NLGN1: variants seen among roughly 807,000 people sequenced by gnomAD.
NLGN1 encodes neuroligin-1.
Under a neutral mutation model 65.5 loss-of-function variants are expected in NLGN1, and 12 were observed. That is an observed-to-expected ratio of 0.18 (90% CI 0.12 to 0.30). NLGN1 has a LOEUF of 0.30. NLGN1 is among the 10% of genes least tolerant of loss of function. NLGN1 has a pLI of 1.00. For missense variants in NLGN1, 750 were observed against 1,007.1 expected, an observed-to-expected ratio of 0.74 and a Z score of 3.46; for synonymous variants, 350 against 359.5, an observed-to-expected ratio of 0.97 and a Z score of 0.30.
intron 3 of NLGN1, among the ~76,000 whole-genome samples, chr3:173,759,790 C>G (rs982416405): frequency 2.0e-5 from 3 of 151,782 alleles, no homozygotes; most frequent in Non-Finnish European, 4.4e-5. Flanking sequence ...ATTTTTAAAT[C>G]TTTTGTATAT....
intron 2 of NLGN1, among the ~76,000 whole-genome samples, chr3:173,573,243 A>C (rs868812162): frequency 6.6e-6 from 1 of 152,130 alleles, no homozygotes; most frequent in South Asian, 2.1e-4. Context: ...CAGTTTTCTG[A>C]CTTGTAAAAG....
intron 4 of NLGN1, among the ~76,000 whole-genome samples, chr3:174,234,934 A>AT (rs554027229): frequency 7.6e-6 from 1 of 131,064 alleles, no homozygotes; most frequent in African/African-American, 3.0e-5. Context: ...CCTTTGATGC[A>AT]TTTTTTATAT....
chr3:173,452,499 G>T (rs1721780496), intron 2 of NLGN1, among the ~76,000 whole-genome samples: 1 of 152,024 alleles, frequency 6.6e-6, no homozygotes, highest in Non-Finnish European at 1.5e-5. Flanking sequence ...TTTCTTGCCG[G>T]CTTTCACATT....
intron 3 of NLGN1, among the ~76,000 whole-genome samples, chr3:173,801,694 T>C (rs986205698): frequency 1.3e-5 from 2 of 152,066 alleles, no homozygotes; most frequent in Non-Finnish European, 2.9e-5. Flanking sequence ...TTTGATTAAA[T>C]ATTTATTTAC....
chr3:173,443,296 A>G (rs1030880081), intron 2 of NLGN1, among the ~76,000 whole-genome samples: 5 of 110,438 alleles, frequency 4.5e-5, no homozygotes, highest in African/African-American at 9.1e-5. Context: ...TTTTACTTTA[A>G]TAGTATATAT....
At chr3:173,944,291 T>C (rs1276077066) in intron 4 of NLGN1, among the ~76,000 whole-genome samples, 1 of 151,878 alleles carries the variant, frequency 6.6e-6, no homozygotes, top group East Asian at 1.9e-4. Flanking sequence ...TATTTAAGAA[T>C]GAATCACAAA....
chr3:174,191,152 C>T (rs1021787340), intron 4 of NLGN1, among the ~76,000 whole-genome samples: 2 of 152,006 alleles, frequency 1.3e-5, no homozygotes, highest in East Asian at 3.9e-4. Flanking sequence ...TAGGCCCATT[C>T]GAGGATCAAG....
intron 4 of NLGN1, among the ~76,000 whole-genome samples, chr3:174,265,769 A>ATATATATATATG (rs1747997259): frequency 8.5e-6 from 1 of 117,728 alleles, no homozygotes; most frequent in Non-Finnish European, 1.7e-5. Flanking sequence ...AAGGCTATAT[A>ATATATATATATG]TATATATATA....
At chr3:173,564,610 GCTC>G (rs1743327321) in intron 2 of NLGN1, among the ~76,000 whole-genome samples, 1 of 152,176 alleles carries the variant, frequency 6.6e-6, no homozygotes. Flanking sequence ...TCAACTCTGA[GCTC>G]CTGAGGAGAT....
intron 4 of NLGN1, among the ~76,000 whole-genome samples, chr3:174,232,881 T>C (rs1466647442): frequency 6.6e-6 from 1 of 152,188 alleles, no homozygotes; most frequent in African/African-American, 2.4e-5. Context: ...TTAATGGAGA[T>C]TCTCTACAAA....
chr3:173,571,455 A>G (rs955646055), intron 2 of NLGN1, among the ~76,000 whole-genome samples: 13 of 152,208 alleles, frequency 8.5e-5, no homozygotes. Flanking sequence ...GAGGTGTCAC[A>G]CTTTTTATGT....
intron 4 of NLGN1, among the ~76,000 whole-genome samples, chr3:173,999,598 C>T (rs1722902527): frequency 1.3e-5 from 2 of 152,138 alleles, no homozygotes; most frequent in Admixed American, 6.5e-5. Flanking sequence ...TATTCTCCAA[C>T]CACCACTTCA....
At chr3:173,806,778 T>G (rs1310554376) in intron 3 of NLGN1, among the ~76,000 whole-genome samples, 1 of 152,044 alleles carries the variant, frequency 6.6e-6, no homozygotes, top group Non-Finnish European at 1.5e-5. Flanking sequence ...ATTACAGAAT[T>G]CAGGAAAAGT....
chr3:174,076,749 G>C (rs1329321889), intron 4 of NLGN1, among the ~76,000 whole-genome samples: 1 of 151,762 alleles, frequency 6.6e-6, no homozygotes, highest in South Asian at 2.1e-4. Context: ...GTGTGTGTGT[G>C]TGTGTGTGTG....
intron 4 of NLGN1, among the ~76,000 whole-genome samples, chr3:173,810,960 T>C (rs1717793700): frequency 2.0e-5 from 3 of 152,170 alleles, no homozygotes; most frequent in South Asian, 2.1e-4. Context: ...GCCAATAAGA[T>C]TGACAAAGAG....
intron 4 of NLGN1, among the ~76,000 whole-genome samples, chr3:173,864,971 T>G (rs1384394708): frequency 6.6e-6 from 1 of 152,204 alleles, no homozygotes; most frequent in East Asian, 1.9e-4. Context: ...CAATTTCTGC[T>G]GGGAATATAA....
rs553583348 is a variant in NLGN1, at chr3:173,658,670, G to T, written c.493+53579G>T. Among the ~76,000 whole-genome samples the T allele has an allele frequency of 3.9e-5, 6 of 152,016 alleles. No individual in the cohort carries two copies. The East Asian group carries it at 1.2e-3, about 29-fold the overall frequency. Reference sequence around the variant, plus strand: ...CTTTGCTTTGGTTCATTCAAAGCTTGCTGCTTCTAAACTAAGACTTCCTTG... The same window carrying T: ...CTTTGCTTTGGTTCATTCAAAGCTTTCTGCTTCTAAACTAAGACTTCCTTG... On this transcript the variant is annotated intron_variant, in intron 3 of 6. Transcript: ENST00000457714.
intron 2 of NLGN1, among the ~76,000 whole-genome samples, chr3:173,455,025 A>G (rs1722272117): frequency 6.6e-6 from 1 of 152,216 alleles, no homozygotes; most frequent in Non-Finnish European, 1.5e-5. Context: ...TGGTGGAGCA[A>G]TCAGAACATA....
Position 173,848,292 on chromosome 3 carries a change from T to C in NLGN1, c.646+40460T>C, listed in dbSNP as rs373459106. On this transcript the variant is annotated intron_variant, in intron 4 of 6. Coordinates refer to ENST00000457714, the Ensembl canonical transcript of NLGN1. ...AACCCAAATCCTCATTTCACACTTA[T>C]GTGGTAGGTGTTATAATCTCTGACA... Among the ~76,000 whole-genome samples, 13 of 152,270 alleles carry C rather than the reference T, an allele frequency of 8.5e-5. 1 individual carries two copies. The South Asian group carries it at 2.7e-3, about 32-fold the overall frequency.
Sources: gnomAD v4.1 joint callset for allele counts (sites outside exome capture counted in the v4.1 genomes callset) on GRCh38, gnomAD v4.1.1 for gene constraint, MANE v1.5 for transcripts, NCBI Gene and HGNC (gene_info 2026-07-23, HGNC 2026-07-21) for gene names.